NSD2: variants seen among roughly 807,000 people sequenced by gnomAD.
NSD2 encodes histone-lysine N-methyltransferase NSD2.
NSD2 carries 12 observed loss-of-function variants against 139.0 expected under a neutral mutation model. The ratio of observed to expected loss-of-function variants is 0.09; its 90% CI spans 0.06 to 0.14. The LOEUF is 0.14. Among genes scored for constraint, NSD2 ranks in the 10% least tolerant of loss-of-function variants. NSD2 has a pLI of 1.00. For missense variants in NSD2, 1,155 were observed against 1,745.0 expected, an observed-to-expected ratio of 0.66 and a Z score of 6.02; for synonymous variants, 669 against 648.7, an observed-to-expected ratio of 1.03 and a Z score of -0.48.
In NSD2 at chr4:1,976,759, C is replaced by A. The variant is rs955058521; in HGVS notation, c.3826+80C>A. 3 of 1,437,302 alleles carry A rather than the reference C, an allele frequency of 2.1e-6. No homozygotes were observed. The highest frequency in any genetic ancestry group is 1.9e-6 in the Non-Finnish European group (2 of 1,071,828). 89.0% of individuals were successfully genotyped at this position (1,437,302 alleles called of 1,614,324 possible). On this transcript the variant is annotated intron_variant, in intron 21 of 21. Coordinates refer to ENST00000508803, the MANE Select transcript of NSD2 (RefSeq NM_001042424.3). The surrounding 1 kb of genome is among the most constrained non-coding windows in gnomAD (Gnocchi z 5.3). Reference sequence around the variant, plus strand: ...ATGGCGGCTGCTGCCGCTCTTCCTGCTGACCGGGCCTCATCTGGGTGCAGG... The same window carrying A: ...ATGGCGGCTGCTGCCGCTCTTCCTGATGACCGGGCCTCATCTGGGTGCAGG...
At chr4:1,950,776 G>A (rs760751111) in intron 9 of NSD2, among the ~76,000 whole-genome samples, 1 of 152,146 alleles carries the variant, frequency 6.6e-6, no homozygotes, top group Non-Finnish European at 1.5e-5. Flanking sequence ...AGAGCAAATT[G>A]GATGTTCATA....
chr4:1,944,767 C>T (rs565183325), intron 9 of NSD2: 2 of 1,064,574 alleles, frequency 1.9e-6, no homozygotes, highest in South Asian at 4.6e-5. Context: ...AAAATTGCCC[C>T]ACCTGCTCTA....
At chr4:1,953,224 G>A (rs1273856032) in intron 11 of NSD2, 100 bp from the exon 12 acceptor site, 3 of 1,600,428 alleles carry the variant, frequency 1.9e-6, no homozygotes, top group African/African-American at 1.3e-5. Flanking sequence ...CAGCATGGCT[G>A]CCTCTGAAGA....
Position 1,974,634 on chromosome 4 carries a change from C to A in NSD2, c.3373-229C>A, listed in dbSNP as rs747572764. The A allele has an allele frequency of 8.6e-6, 6 of 701,492 alleles. No homozygotes were observed. Among genetic ancestry groups the A allele is most frequent in the Non-Finnish European group, 1.6e-5 (6 of 382,564 alleles). The allele number at this position is 701,492 out of a possible 1,614,324, so 43.5% of individuals were successfully genotyped here. On this transcript the variant is annotated intron_variant, in intron 18 of 21. Coordinates refer to ENST00000508803, the MANE Select transcript of NSD2 (RefSeq NM_001042424.3). The surrounding 1 kb of genome is among the most constrained non-coding windows in gnomAD (Gnocchi z 4.0). ...CTCCAGCTCCCTGTCCTGTCCTCCCCGGCGCTCACTAAGGCTCGGTCCTCT... is the reference window on the plus strand; with the variant it reads ...CTCCAGCTCCCTGTCCTGTCCTCCCAGGCGCTCACTAAGGCTCGGTCCTCT...
At position 1,957,997 on chromosome 4, in the gene NSD2, G is replaced by A; in HGVS notation, c.2946G>A (p.Gln982=). ...IKLQREARET[Q]ESERKPPPYK... is the part of the protein sequence containing the mutation. ...TTCAGAGGGAAGCCCGAGAAACACA[G>A]GAGAGCGAGCGCAAGCCCCCACCAT... is the stretch of plus-strand genomic sequence containing the variant. The change falls in exon 16 of 22, where the codon CAG becomes CAA. Residue 982 remains glutamine, a synonymous_variant. Transcript: ENST00000508803. The A allele has an allele frequency of 6.2e-7, 1 of 1,614,206 alleles. No homozygotes were observed. Among genetic ancestry groups the A allele is most frequent in the Non-Finnish European group, 8.5e-7 (1 of 1,180,042 alleles).
At chr4:1,967,352 G>A (rs1439690483) in intron 18 of NSD2, among the ~76,000 whole-genome samples, 1 of 152,296 alleles carries the variant, frequency 6.6e-6, no homozygotes, top group Admixed American at 6.5e-5. Flanking sequence ...GGCCGAGGCC[G>A]GCAGATCACA....
chr4:1,981,062 C>T lies in NSD2; in HGVS notation c.*2153C>T. 1 of 233,218 alleles carries T rather than the reference C, an allele frequency of 4.3e-6. No homozygotes were observed. The allele number at this position is 233,218 out of a possible 1,614,324, so 14.4% of individuals were successfully genotyped here. A position where few individuals can be genotyped will look rare whatever the true frequency, so the allele number is the denominator to read the frequency against. ...ACAGCAGAATCGGCTTTGCAGTGCA[C>T]TTTGGGGAGCAGATATTAACTTATT... On this transcript the variant is annotated 3_prime_UTR_variant, in exon 22 of 22. Transcript: ENST00000508803.
rs756987824 is a variant in NSD2 at position 1,968,009 on chromosome 4, G to A, written c.3373-6854G>A. Among the ~76,000 whole-genome samples, 79 of 152,264 alleles carry A rather than the reference G, an allele frequency of 5.2e-4. 1 individual carries two copies. Among genetic ancestry groups the A allele is most frequent in the Middle Eastern group, 3.4e-3 (1 of 294 alleles). On this transcript the variant is annotated intron_variant, in intron 18 of 21. Transcript: ENST00000508803. ...TGATACTATCTGGGAGAGAAATTGGGCCAGGTTCAAGTGGAGCATCTGTAC... is the reference window on the plus strand; with the variant it reads ...TGATACTATCTGGGAGAGAAATTGGACCAGGTTCAAGTGGAGCATCTGTAC...
At chr4:1,933,260 C>CT (rs1441631647) in intron 6 of NSD2, among the ~76,000 whole-genome samples, 1 of 152,244 alleles carries the variant, frequency 6.6e-6, no homozygotes, top group Non-Finnish European at 1.5e-5. Flanking sequence ...CGGACACTTA[C>CT]TTGTACCTCT....
chr4:1,882,881 A>C (rs1301693709), intron 1 of NSD2, among the ~76,000 whole-genome samples: 1 of 152,102 alleles, frequency 6.6e-6, no homozygotes, highest in African/African-American at 2.4e-5. Flanking sequence ...TCTGTGTTCT[A>C]ATGTGTCCTT....
intron 3 of NSD2, among the ~76,000 whole-genome samples, chr4:1,906,269 C>T (rs779124578): frequency 3.3e-5 from 5 of 152,066 alleles, no homozygotes; most frequent in East Asian, 1.9e-4. Flanking sequence ...GATGGAGGCT[C>T]GCTCCATCAC....
At position 1,979,478 on chromosome 4, in the gene NSD2, C is replaced by T. The variant is rs1476915399; in HGVS notation, c.*569C>T. 8.6e-6 allele frequency: 2 copies of T among 233,174 alleles called. No individual in the cohort carries two copies. The highest frequency in any genetic ancestry group is 1.2e-3 in the Middle Eastern group (1 of 808). The allele number at this position is 233,174 out of a possible 1,614,324, so 14.4% of individuals were successfully genotyped here. A position where few individuals can be genotyped will look rare whatever the true frequency, so the allele number is the denominator to read the frequency against. ...TGTGAATTGTTCCTCAGAAACGCTT[C>T]TTTTCCATCCTAGTGAGAAGCTGGC... On this transcript the variant is annotated 3_prime_UTR_variant, in exon 22 of 22. Coordinates refer to ENST00000508803, the MANE Select transcript of NSD2 (RefSeq NM_001042424.3).
intron 5 of NSD2, among the ~76,000 whole-genome samples, chr4:1,921,352 G>A (rs1720093184): frequency 6.6e-6 from 1 of 151,976 alleles, no homozygotes; most frequent in African/African-American, 2.4e-5. Flanking sequence ...CCGGCTATGT[G>A]GGAGGCTGAG....
At chr4:1,883,850 A>G (rs1456661878) in intron 1 of NSD2, among the ~76,000 whole-genome samples, 4 of 152,132 alleles carry the variant, frequency 2.6e-5, no homozygotes, top group Non-Finnish European at 5.9e-5. Flanking sequence ...TGTGGCCCAC[A>G]TGGAGCTGCA....
chr4:1,981,854 TA>T lies in NSD2; in HGVS notation c.*2946del, dbSNP rs1415769956. 3 of 398,332 alleles carry T rather than the reference TA, an allele frequency of 7.5e-6. No homozygotes were observed. Among genetic ancestry groups the T allele is most frequent in the Non-Finnish European group, 1.3e-5 (3 of 226,064 alleles). 24.7% of individuals were successfully genotyped at this position (398,332 alleles called of 1,614,324 possible). The stretch of plus-strand genomic sequence containing the variant: ...ATGAGTGTAGTTGATGACTGTTTGT[TA>T]GTCAGTAGAGTAAAATGCTGTGTCC... On this transcript the variant is annotated 3_prime_UTR_variant, in exon 22 of 22. Coordinates refer to ENST00000508803, the MANE Select transcript of NSD2 (RefSeq NM_001042424.3).
At chr4:1,971,929 G>A (rs537078409) in intron 18 of NSD2, among the ~76,000 whole-genome samples, 22 of 152,312 alleles carry the variant, frequency 1.4e-4, no homozygotes, top group African/African-American at 5.1e-4. Flanking sequence ...GACATCAGCG[G>A]CTGCCAGCTG....
intron 21 of NSD2, among the ~76,000 whole-genome samples, chr4:1,977,777 G>T (rs1348750001): frequency 6.9e-6 from 1 of 145,418 alleles, no homozygotes; most frequent in Non-Finnish European, 1.5e-5. Context: ...GGGCGACAGA[G>T]CAAGACTCCA....
In NSD2 at chr4:1,974,729, G is replaced by A; in HGVS notation, c.3373-134G>A. ...TGGTTTGGGGGTGTCCTGTCTCAGT[G>A]GACACAGGACACCACGGTTTTCAGT... is the stretch of plus-strand genomic sequence containing the variant. On this transcript the variant is annotated intron_variant, in intron 18 of 21. Coordinates refer to ENST00000508803, the MANE Select transcript of NSD2 (RefSeq NM_001042424.3). This position sits in a 1 kb window ranked among gnomAD's most constrained non-coding sequence, Gnocchi z 4.0. 7.9e-7 allele frequency: 1 copy of A among 1,260,402 alleles called. No homozygotes were observed. The highest frequency in any genetic ancestry group is 1.2e-6 in the Non-Finnish European group (1 of 868,772). The allele number at this position is 1,260,402 out of a possible 1,614,324, so 78.1% of individuals were successfully genotyped here.
intron 9 of NSD2, chr4:1,943,167 A>G (rs1577505690): frequency 9.6e-7 from 1 of 1,042,662 alleles, no homozygotes; most frequent in Non-Finnish European, 1.2e-6. Flanking sequence ...AGGTGTCCGC[A>G]TTTTTGCATG....
Sources: gnomAD v4.1 joint callset for allele counts (sites outside exome capture counted in the v4.1 genomes callset) on GRCh38, gnomAD v4.1.1 for gene constraint, Gnocchi (gnomAD v3.1) non-coding constraint, MANE v1.5 for transcripts, NCBI Gene and HGNC (gene_info 2026-07-23, HGNC 2026-07-21) for gene names.